ZBTB16: variants seen among roughly 807,000 people sequenced by gnomAD.
ZBTB16 encodes the protein zinc finger and BTB domain containing 16, also known as zinc finger and BTB domain-containing protein 16.
In ZBTB16, 8 loss-of-function variants were observed where a neutral mutation model predicts 56.8. The observed-to-expected ratio is 0.14, with a 90% CI of 0.08 to 0.25. The LOEUF is 0.25. ZBTB16 is among the 10% of genes least tolerant of loss of function. The pLI is 1.00. For missense variants in ZBTB16, 625 were observed against 903.0 expected (o/e 0.69, Z 3.95); for synonymous variants, 363 against 368.5 (o/e 0.98, Z 0.17).
intron 3 of ZBTB16, among the ~76,000 whole-genome samples, chr11:114,162,322 G>A (rs1942612402): frequency 6.6e-6 from 1 of 152,188 alleles, no homozygotes; most frequent in Admixed American, 6.5e-5. Flanking sequence ...GGAGCACTGA[G>A]CTGTGGGTTT....
intron 6 of ZBTB16, among the ~76,000 whole-genome samples, chr11:114,247,695 A>G (rs1348309224): frequency 6.6e-6 from 1 of 152,190 alleles, no homozygotes; most frequent in African/African-American, 2.4e-5. Context: ...AATTAGGGGT[A>G]AGTTGGTCCA....
intron 2 of ZBTB16, among the ~76,000 whole-genome samples, chr11:114,076,800 C>T (rs892701127): frequency 3.9e-5 from 6 of 152,138 alleles, no homozygotes; most frequent in Non-Finnish European, 8.8e-5. Context: ...GTGCCTGGCC[C>T]CTTTCCTCAC....
intron 2 of ZBTB16, among the ~76,000 whole-genome samples, chr11:114,097,810 A>G (rs1940472299): frequency 6.6e-6 from 1 of 152,230 alleles, no homozygotes; most frequent in South Asian, 2.1e-4. Context: ...TCCCAGAGAG[A>G]AGTTAAGGAA....
intron 4 of ZBTB16, among the ~76,000 whole-genome samples, chr11:114,225,041 C>G (rs1176719078): frequency 3.9e-5 from 6 of 152,048 alleles, no homozygotes; most frequent in Admixed American, 3.9e-4. Context: ...TAGACCGATC[C>G]AAGCTTAGGG....
At chr11:114,120,744 C>T (rs577124653) in intron 2 of ZBTB16, among the ~76,000 whole-genome samples, 2 of 152,246 alleles carry the variant, frequency 1.3e-5, no homozygotes, top group African/African-American at 4.8e-5. Flanking sequence ...TAGGGCCCAT[C>T]GAGGGAGCAG....
At chr11:114,195,459 G>C (rs920863187) in intron 4 of ZBTB16, among the ~76,000 whole-genome samples, 1 of 152,188 alleles carries the variant, frequency 6.6e-6, no homozygotes, top group Admixed American at 6.5e-5. Context: ...ACTGCCTGGG[G>C]ACAAGAGACC....
At chr11:114,174,922 C>T (rs1164682070) in intron 3 of ZBTB16, among the ~76,000 whole-genome samples, 1 of 152,160 alleles carries the variant, frequency 6.6e-6, no homozygotes, top group Non-Finnish European at 1.5e-5. Context: ...CTAAGCTGGG[C>T]CCGTGCTCCC....
At chr11:114,219,622 G>T (rs989001185) in intron 4 of ZBTB16, among the ~76,000 whole-genome samples, 8 of 151,438 alleles carry the variant, frequency 5.3e-5, no homozygotes, top group South Asian at 4.2e-4. Flanking sequence ...AAGTTGATTG[G>T]TTTTTTTTCT....
intron 3 of ZBTB16, among the ~76,000 whole-genome samples, chr11:114,170,759 G>A (rs1011113258): frequency 3.3e-5 from 5 of 152,134 alleles, no homozygotes; most frequent in African/African-American, 9.7e-5. Context: ...GCTCATTGGC[G>A]GCTGCATTTT....
At chr11:114,246,614 C>T (rs141645286) in intron 5 of ZBTB16, among the ~76,000 whole-genome samples, 16 of 152,260 alleles carry the variant, frequency 1.1e-4, no homozygotes, top group South Asian at 4.1e-4. Context: ...GCCTGGGGAA[C>T]TAAAGGGAAG....
In ZBTB16 at chr11:114,251,405, T is replaced by C. The variant is rs1944915121; in HGVS notation, c.*850T>C. ...AGTCCAGCACCATCGTGAGCAAGATTCCTGCTGCGCTGCTTCCAAAATGGA... is the reference window on the plus strand; with the variant it reads ...AGTCCAGCACCATCGTGAGCAAGATCCCTGCTGCGCTGCTTCCAAAATGGA... On this transcript the variant is annotated 3_prime_UTR_variant, in exon 7 of 7. Coordinates refer to ENST00000335953, the MANE Select transcript of ZBTB16 (RefSeq NM_006006.6). 1.3e-5 allele frequency among the ~76,000 whole-genome samples: 2 copies of C among 152,178 alleles called. 1 individual carries two copies. The highest frequency in any genetic ancestry group is 1.3e-4 in the Admixed American group (2 of 15,276).
intron 3 of ZBTB16, 66 bp from the exon 4 acceptor site, chr11:114,186,886 G>A: frequency 6.6e-7 from 1 of 1,512,362 alleles, no homozygotes. Context: ...CACAGTTGTG[G>A]CCCAGGACCT....
At chr11:114,241,866 C>T (rs1358599895) in intron 4 of ZBTB16, among the ~76,000 whole-genome samples, 2 of 152,180 alleles carry the variant, frequency 1.3e-5, no homozygotes, top group Non-Finnish European at 2.9e-5. Context: ...GTCTTAGTAC[C>T]TTGCCGCCTT....
At chr11:114,187,354 T>C (rs1591762925) in intron 4 of ZBTB16, 4 of 401,546 alleles carry the variant, frequency 1.0e-5, no homozygotes, top group Non-Finnish European at 1.8e-5. Context: ...TTAGTCTGTG[T>C]TGTTATCAAA....
chr11:114,079,170 T>C (rs1939676790), intron 2 of ZBTB16, among the ~76,000 whole-genome samples: 1 of 151,960 alleles, frequency 6.6e-6, no homozygotes, highest in Non-Finnish European at 1.5e-5. Context: ...GAATTTACTA[T>C]CTGTATGTCT....
intron 2 of ZBTB16, among the ~76,000 whole-genome samples, chr11:114,081,634 C>G (rs1294293160): frequency 2.0e-5 from 3 of 152,176 alleles, no homozygotes; most frequent in Non-Finnish European, 4.4e-5. Context: ...CCTTACTTAG[C>G]TAGCAGTCCT....
At chr11:114,204,507 G>C (rs954974669) in intron 4 of ZBTB16, among the ~76,000 whole-genome samples, 6 of 152,086 alleles carry the variant, frequency 3.9e-5, no homozygotes, top group Admixed American at 2.0e-4. Flanking sequence ...TCTGTGATTT[G>C]CCTACCAACA....
chr11:114,083,687 T>C (rs1939859834), intron 2 of ZBTB16, among the ~76,000 whole-genome samples: 1 of 152,184 alleles, frequency 6.6e-6, no homozygotes, highest in Non-Finnish European at 1.5e-5. Flanking sequence ...TCCCGTGTTC[T>C]GTACCACCCA....
chr11:114,243,094 C>A (rs1944746051), intron 5 of ZBTB16, among the ~76,000 whole-genome samples: 1 of 152,148 alleles, frequency 6.6e-6, no homozygotes, highest in South Asian at 2.1e-4. Flanking sequence ...GCAGCAGCTC[C>A]CAGTTTTCCC....
Sources: gnomAD v4.1 joint callset for allele counts (sites outside exome capture counted in the v4.1 genomes callset) on GRCh38, gnomAD v4.1.1 for gene constraint, MANE v1.5 for transcripts, NCBI Gene and HGNC (gene_info 2026-07-23, HGNC 2026-07-21) for gene names.